The following RNF146 variants were observed in gnomAD, a reference collection of about 807,000 sequenced individuals.
RNF146 encodes E3 ubiquitin-protein ligase RNF146.
Under a neutral mutation model 29.7 loss-of-function variants are expected in RNF146, and 11 were observed. The observed-to-expected ratio is 0.37, with a 90% CI of 0.23 to 0.61. The LOEUF (loss-of-function observed/expected upper bound fraction) is 0.61. RNF146 is among the 20% of genes least tolerant of loss of function. The pLI, the probability that RNF146 is intolerant of heterozygous loss-of-function variation, is 0.66. For missense variants in RNF146, 342 were observed against 438.9 expected (o/e 0.78, Z 1.97); for synonymous variants, 150 against 159.7 (o/e 0.94, Z 0.46).
intron 1 of RNF146, among the ~76,000 whole-genome samples, chr6:127,274,320 AT>A (rs1346477220): frequency 2.6e-4 from 39 of 152,136 alleles, no homozygotes; most frequent in Middle Eastern, 3.4e-3. Context: ...TCTTTAGAGG[AT>A]TTTTTTGTAC....
intron 2 of RNF146, among the ~76,000 whole-genome samples, chr6:127,281,268 ATATTT>A (rs1374638447): frequency 6.6e-6 from 1 of 151,758 alleles, no homozygotes; most frequent in Non-Finnish European, 1.5e-5. Flanking sequence ...TTAAAAATAT[ATATTT>A]TATTTAATCC....
intron 2 of RNF146, chr6:127,285,422 A>G (rs1423640916): frequency 1.3e-6 from 1 of 756,330 alleles, no homozygotes; most frequent in African/African-American, 1.9e-5. Context: ...TGGCAGAGAG[A>G]TTGTCATTCA....
chr6:127,274,747 G>A (rs555011794), intron 1 of RNF146, among the ~76,000 whole-genome samples: 1 of 150,554 alleles, frequency 6.6e-6, no homozygotes, highest in East Asian at 2.0e-4. Flanking sequence ...CACTCAGCAG[G>A]ACTTTGTGGA....
At chr6:127,268,684 T>A (rs1334615110) in intron 1 of RNF146, among the ~76,000 whole-genome samples, 1 of 152,178 alleles carries the variant, frequency 6.6e-6, no homozygotes, top group African/African-American at 2.4e-5. Flanking sequence ...CTTCGCTGGT[T>A]GTTCAGAACT....
chr6:127,285,529 CTTTTT>C (rs10669927), intron 2 of RNF146, among the ~76,000 whole-genome samples: 1 of 130,000 alleles, frequency 7.7e-6, no homozygotes, highest in Non-Finnish European at 1.6e-5. Flanking sequence ...TTTAAAATGT[CTTTTT>C]TTTTTTTTTT....
intron 1 of RNF146, among the ~76,000 whole-genome samples, chr6:127,270,665 G>A (rs1395589611): frequency 2.0e-5 from 3 of 152,078 alleles, no homozygotes; most frequent in East Asian, 1.9e-4. Context: ...GGTTTGAACC[G>A]TGTAGTTCCA....
chr6:127,267,722 A>G (rs946338131), intron 1 of RNF146, among the ~76,000 whole-genome samples: 1 of 151,992 alleles, frequency 6.6e-6, no homozygotes, highest in Non-Finnish European at 1.5e-5. Flanking sequence ...GAAGCATCGG[A>G]ACAATTAAGA....
intron 1 of RNF146, among the ~76,000 whole-genome samples, chr6:127,269,401 G>A (rs1777137041): frequency 6.6e-6 from 1 of 152,202 alleles, no homozygotes; most frequent in African/African-American, 2.4e-5. Context: ...ATCTGTGTGT[G>A]ATATGATTAA....
chr6:127,268,508 G>T (rs1776989084), intron 1 of RNF146, among the ~76,000 whole-genome samples: 1 of 152,218 alleles, frequency 6.6e-6, no homozygotes, highest in African/African-American at 2.4e-5. Context: ...AAAACCGGAA[G>T]AGTGAACACC....
intron 2 of RNF146, among the ~76,000 whole-genome samples, chr6:127,285,808 A>C (rs1173947749): frequency 6.6e-6 from 1 of 151,756 alleles, no homozygotes; most frequent in Admixed American, 6.6e-5. Context: ...ATGTTAACAC[A>C]TTTTGATTAC....
intron 1 of RNF146, among the ~76,000 whole-genome samples, chr6:127,270,485 C>T (rs1202869773): frequency 1.3e-5 from 2 of 152,170 alleles, no homozygotes; most frequent in Admixed American, 6.5e-5. Context: ...TTCTGTTTTA[C>T]ATCCCCCTAT....
rs1319999311 is a variant in RNF146, at chr6:127,273,318, G to C, written c.-109+6393G>C. Among the ~76,000 whole-genome samples, 4 of 152,240 alleles carry C rather than the reference G, an allele frequency of 2.6e-5. No individual in the cohort carries two copies. The East Asian group carries it at 7.7e-4, about 29-fold the overall frequency. ...ATTTTATACAGCTATGATTCATACT[G>C]CATCTTTACATTTGTTTAAATTTCT... On this transcript the variant is annotated intron_variant, in intron 1 of 2. Coordinates refer to ENST00000368314, the MANE Select transcript of RNF146 (RefSeq NM_001242850.2).
chr6:127,267,605 T>TC (rs1377726147), intron 1 of RNF146, among the ~76,000 whole-genome samples: 1 of 152,136 alleles, frequency 6.6e-6, no homozygotes, highest in Non-Finnish European at 1.5e-5. Flanking sequence ...TCCTTTTTTT[T>TC]CTCCTGCTCA....
chr6:127,284,938 A>G (rs1038900084), intron 2 of RNF146, among the ~76,000 whole-genome samples: 3 of 151,854 alleles, frequency 2.0e-5, no homozygotes, highest in Non-Finnish European at 4.4e-5. Context: ...GCCCAAGACA[A>G]TTCTTTTTCT....
At chr6:127,270,415 G>T (rs1018617235) in intron 1 of RNF146, among the ~76,000 whole-genome samples, 1 of 152,014 alleles carries the variant, frequency 6.6e-6, no homozygotes, top group Non-Finnish European at 1.5e-5. Flanking sequence ...TAGGAATTAT[G>T]TATGTTTGAG....
chr6:127,286,652 C>T lies in RNF146; in HGVS notation c.39C>T (p.Asn13=). 1 of 1,612,386 alleles carries T rather than the reference C, an allele frequency of 6.2e-7. No individual in the cohort carries two copies. Among genetic ancestry groups the T allele is most frequent in the Middle Eastern group, 1.7e-4 (1 of 6,048 alleles). ...AGCGEIDHSI[N]MLPTNRKANE... ...GTGGTGAAATTGATCATTCAATAAA[C>T]ATGCTTCCTACAAACAGGAAAGCGA... The change falls in exon 3 of 3, where the codon AAC becomes AAT. Residue 13 remains asparagine (N), a synonymous_variant. Coordinates refer to ENST00000368314, the MANE Select transcript of RNF146 (RefSeq NM_001242850.2). This position sits in a 1 kb window ranked among gnomAD's most constrained non-coding sequence, Gnocchi z 4.6.
chr6:127,268,049 C>T (rs1435388465), intron 1 of RNF146, among the ~76,000 whole-genome samples: 2 of 147,914 alleles, frequency 1.4e-5, no homozygotes, highest in African/African-American at 4.9e-5. Context: ...CTCTAAGTGC[C>T]ATTTTAGTGA....
chr6:127,274,609 G>A (rs539304256), intron 1 of RNF146, among the ~76,000 whole-genome samples: 2 of 152,270 alleles, frequency 1.3e-5, no homozygotes, highest in African/African-American at 4.8e-5. Context: ...TAGAAGAAAT[G>A]TTTTAATTGA....
At position 127,286,696 on chromosome 6, in the gene RNF146, C is replaced by A. The variant is rs1441423478; in HGVS notation, c.83C>A (p.Thr28Asn). The A allele has an allele frequency of 6.2e-7, 1 of 1,613,380 alleles. No homozygotes were observed. The highest frequency in any genetic ancestry group is 1.3e-5 in the African/African-American group (1 of 74,944). The change falls in exon 3 of 3, where the codon ACT (threonine) becomes AAT (asparagine). Residue 28 changes from threonine to asparagine, a missense_variant. Physicochemically the swap from Thr to Asn is moderately conservative, Grantham distance 65 (BLOSUM62 0). This residue lies in a region of RNF146 where 39 missense variants were observed against 43.1 expected (regional missense o/e 0.90). Coordinates refer to ENST00000368314, the MANE Select transcript of RNF146 (RefSeq NM_001242850.2). This position sits in a 1 kb window ranked among gnomAD's most constrained non-coding sequence, Gnocchi z 4.6. ...NRKANESCSN[T>N]APSLTVPECA... is the part of the protein sequence containing the mutation. ...AAAGCGAACGAGTCCTGTTCTAATA[C>A]TGCACCTTCTTTAACCGTCCCTGAA...
Sources: gnomAD v4.1 joint callset for allele counts (sites outside exome capture counted in the v4.1 genomes callset) on GRCh38, gnomAD v4.1.1 for gene constraint, gnomAD v4.1.1 regional missense constraint, Gnocchi (gnomAD v3.1) non-coding constraint, MANE v1.5 for transcripts, NCBI Gene and HGNC (gene_info 2026-07-23, HGNC 2026-07-21) for gene names.